Variants in GRIN2A observed in about 807,000 individuals in gnomAD.
The protein encoded by GRIN2A is glutamate receptor ionotropic, NMDA 2A.
Under a neutral mutation model 113.4 loss-of-function variants are expected in GRIN2A, and 22 were observed. That is an observed-to-expected ratio of 0.19 (90% confidence interval 0.14 to 0.28). GRIN2A has a LOEUF of 0.28. Ranked by LOEUF, GRIN2A falls within the 10% of genes least tolerant of loss-of-function variation. GRIN2A has a pLI of 1.00. For missense variants in GRIN2A, 1,502 were observed against 1,887.0 expected (o/e 0.80, Z 3.78); for synonymous variants, 827 against 738.4 (o/e 1.12, Z -1.94).
At chr16:10,048,243 TA>T (rs2047292862) in intron 2 of GRIN2A, among the ~76,000 whole-genome samples, 2 of 152,230 alleles carry the variant, frequency 1.3e-5, no homozygotes, top group Admixed American at 1.3e-4. Flanking sequence ...AATGAGTTAA[TA>T]TTTGTCTAAT....
At chr16:10,030,997 G>A (rs539870830) in intron 2 of GRIN2A, among the ~76,000 whole-genome samples, 11 of 152,250 alleles carry the variant, frequency 7.2e-5, no homozygotes, top group Non-Finnish European at 1.2e-4. Flanking sequence ...CTGCTGACTT[G>A]TTAAAAATAC....
intron 2 of GRIN2A, among the ~76,000 whole-genome samples, chr16:10,082,460 T>C (rs1315347866): frequency 1.3e-5 from 2 of 152,244 alleles, no homozygotes; most frequent in African/African-American, 4.8e-5. Flanking sequence ...AGGACATCGC[T>C]TCTGTGATTA....
intron 4 of GRIN2A, among the ~76,000 whole-genome samples, chr16:9,875,570 C>T (rs1259714577): frequency 6.6e-6 from 1 of 152,164 alleles, no homozygotes; most frequent in African/African-American, 2.4e-5. Context: ...CTGTCTGTTC[C>T]ATCAGCAGGC....
intron 2 of GRIN2A, among the ~76,000 whole-genome samples, chr16:10,173,097 G>C (rs984046309): frequency 6.6e-6 from 1 of 152,186 alleles, no homozygotes; most frequent in African/African-American, 2.4e-5. Context: ...CACGCTACCG[G>C]GAGGACGCCT....
At chr16:10,078,050 A>G (rs1485745641) in intron 2 of GRIN2A, among the ~76,000 whole-genome samples, 3 of 152,164 alleles carry the variant, frequency 2.0e-5, no homozygotes, top group African/African-American at 7.2e-5. Flanking sequence ...GCTGAATACC[A>G]TTGTGGTGAT....
chr16:9,861,127 A>T (rs1263897243), intron 4 of GRIN2A, among the ~76,000 whole-genome samples: 1 of 152,208 alleles, frequency 6.6e-6, no homozygotes, highest in East Asian at 1.9e-4. Flanking sequence ...CAGTTAGCTC[A>T]TTGGGTGGTT....
rs139904292 is a variant in GRIN2A at position 9,926,220 on chromosome 16, A to T, written c.1007+11739T>A. Among the ~76,000 whole-genome samples the T allele has an allele frequency of 2.8e-3, 428 of 152,340 alleles. 2 individuals are homozygous for T. Among genetic ancestry groups the T allele is most frequent in the African/African-American group, 9.8e-3 (408 of 41,578 alleles). On this transcript the variant is annotated intron_variant, in intron 3 of 12. Transcript: ENST00000330684. ...TCACCTGTAAGTTGAACCAAGAAGG[A>T]GGTTTATGATCTACAGCTACATGAA...
intron 10 of GRIN2A, among the ~76,000 whole-genome samples, chr16:9,803,180 G>A (rs1358253243): frequency 1.3e-5 from 2 of 152,122 alleles, no homozygotes; most frequent in East Asian, 1.9e-4. Flanking sequence ...CGAGGTGGGC[G>A]GATCACCTGA....
chr16:9,970,798 A>G, intron 2 of GRIN2A: 2 of 813,146 alleles, frequency 2.5e-6, no homozygotes, highest in Non-Finnish European at 3.0e-6. Flanking sequence ...GGATATATCA[A>G]ATATAGTTCC....
intron 2 of GRIN2A, among the ~76,000 whole-genome samples, chr16:9,955,654 G>T (rs1381204039): frequency 6.6e-6 from 1 of 152,172 alleles, no homozygotes; most frequent in Admixed American, 6.5e-5. Context: ...GAAAGGCAGG[G>T]GCTATGTGTG....
At chr16:9,956,945 C>T (rs1388751234) in intron 2 of GRIN2A, among the ~76,000 whole-genome samples, 5 of 152,192 alleles carry the variant, frequency 3.3e-5, no homozygotes, top group Non-Finnish European at 7.3e-5. Flanking sequence ...TGGTTCTCTG[C>T]TAATAAAATG....
At chr16:9,897,544 G>A (rs893669311) in intron 3 of GRIN2A, among the ~76,000 whole-genome samples, 7 of 152,132 alleles carry the variant, frequency 4.6e-5, no homozygotes, top group African/African-American at 1.7e-4. Flanking sequence ...ATTGAAATGT[G>A]CCATCCATGT....
rs149410193 is a variant in GRIN2A, at chr16:9,756,705, C to T, written c.*6444G>A. On this transcript the variant is annotated 3_prime_UTR_variant, in exon 13 of 13. Coordinates refer to ENST00000330684, the MANE Select transcript of GRIN2A (RefSeq NM_001134407.3). Reference sequence around the variant, plus strand: ...GGATATGCCTAGAATATCGCCTACACTCAATTTAGATATATTTTGATATTT... The same window carrying T: ...GGATATGCCTAGAATATCGCCTACATTCAATTTAGATATATTTTGATATTT... The T allele has an allele frequency of 0.012, 2,321 of 186,536 alleles. 22 individuals are homozygous for T. Among genetic ancestry groups the T allele is most frequent in the Middle Eastern group, 0.037 (19 of 512 alleles). The allele number at this position is 186,536 out of a possible 1,614,324, so 11.6% of individuals were successfully genotyped here.
intron 5 of GRIN2A, among the ~76,000 whole-genome samples, chr16:9,848,015 A>G (rs1470102700): frequency 1.4e-5 from 2 of 146,360 alleles, no homozygotes; most frequent in Non-Finnish European, 3.0e-5. Context: ...ATTGGTTTCT[A>G]TATGTTAATA....
chr16:9,791,083 T>C (rs1372644071), intron 11 of GRIN2A, among the ~76,000 whole-genome samples: 1 of 152,192 alleles, frequency 6.6e-6, no homozygotes, highest in Admixed American at 6.5e-5. Flanking sequence ...CTCTAAGAAA[T>C]TAATTTGCCC....
chr16:9,860,475 G>T (rs1017464319), intron 4 of GRIN2A, among the ~76,000 whole-genome samples: 2 of 134,872 alleles, frequency 1.5e-5, no homozygotes, highest in Admixed American at 1.5e-4. Context: ...AAAAAAGAAA[G>T]ACCAAGGGAG....
At chr16:9,799,086 A>G (rs1903192179) in intron 10 of GRIN2A, among the ~76,000 whole-genome samples, 1 of 152,238 alleles carries the variant, frequency 6.6e-6, no homozygotes, top group African/African-American at 2.4e-5. Context: ...AAACACGCAT[A>G]CACAGAGATT....
intron 2 of GRIN2A, among the ~76,000 whole-genome samples, chr16:10,074,452 G>A (rs2047828430): frequency 6.6e-6 from 1 of 152,140 alleles, no homozygotes; most frequent in African/African-American, 2.4e-5. Flanking sequence ...CAGCATTACT[G>A]ATAGCAGCCA....
chr16:9,854,708 T>C (rs1263359881), intron 4 of GRIN2A, among the ~76,000 whole-genome samples: 3 of 152,262 alleles, frequency 2.0e-5, no homozygotes, highest in South Asian at 4.1e-4. Flanking sequence ...GCTGAGTCTG[T>C]AACTTTAGAT....
Sources: gnomAD v4.1 joint callset for allele counts (sites outside exome capture counted in the v4.1 genomes callset) on GRCh38, gnomAD v4.1.1 for gene constraint, MANE v1.5 for transcripts, NCBI Gene and HGNC (gene_info 2026-07-23, HGNC 2026-07-21) for gene names.